The following OTUD7A variants were observed in gnomAD, a reference collection of about 807,000 sequenced individuals.
OTUD7A encodes the protein OTU domain-containing protein 7A.
Under a neutral mutation model 65.7 loss-of-function variants are expected in OTUD7A, and 12 were observed. That is an observed-to-expected ratio of 0.18 (90% CI 0.12 to 0.30). The LOEUF is 0.30. Ranked by LOEUF, OTUD7A falls within the 10% of genes least tolerant of loss-of-function variation. The pLI, the probability that OTUD7A is intolerant of heterozygous loss-of-function variation, is 1.00. For missense variants in OTUD7A, 1,148 were observed against 1,304.8 expected, an observed-to-expected ratio of 0.88 and a Z score of 1.85; for synonymous variants, 641 against 586.3, an observed-to-expected ratio of 1.09 and a Z score of -1.35.
chr15:31,808,140 C>CACACAA (rs1272100227), intron 1 of OTUD7A, among the ~76,000 whole-genome samples: 22,540 of 139,420 alleles, frequency 0.16, 2,189 homozygotes, highest in Admixed American at 0.22. Context: ...CACACACAAA[C>CACACAA]AAATCCTCAC....
At chr15:31,831,888 C>T (rs1271911105) in intron 1 of OTUD7A, among the ~76,000 whole-genome samples, 1 of 152,224 alleles carries the variant, frequency 6.6e-6, no homozygotes, top group African/African-American at 2.4e-5. Context: ...CATTGTGGAT[C>T]CCTTTCATGT....
chr15:31,719,892 A>G (rs890460400), intron 1 of OTUD7A, among the ~76,000 whole-genome samples: 39 of 151,836 alleles, frequency 2.6e-4, no homozygotes, highest in African/African-American at 8.9e-4. Context: ...CACCCCTCTG[A>G]CCATACACAC....
intron 1 of OTUD7A, chr15:31,767,695 T>C (rs766518671): frequency 2.8e-6 from 2 of 725,958 alleles, no homozygotes; most frequent in Non-Finnish European, 5.1e-6. Context: ...CTGCATTTTC[T>C]TGATCTTCAT....
chr15:31,625,950 G>A (rs192530867), intron 3 of OTUD7A, among the ~76,000 whole-genome samples: 4 of 150,774 alleles, frequency 2.7e-5, no homozygotes, highest in South Asian at 2.1e-4. Flanking sequence ...TCATTTATAC[G>A]AGGTTATGGA....
At position 31,592,904 on chromosome 15, in the gene OTUD7A, A is replaced by AAATAT. The variant is rs1416029921; in HGVS notation, c.152-22708_152-22707insATATT. On this transcript the variant is annotated intron_variant, in intron 3 of 12. Coordinates refer to ENST00000307050, the MANE Select transcript of OTUD7A (RefSeq NM_001382637.1). ...CAAAAAAAAAAAAAAAAAAAAAAAA[A>AAATAT]ATATATATATATATATATATATATA... 4.4e-4 allele frequency among the ~76,000 whole-genome samples: 26 copies of AAATAT among 59,384 alleles called. 2 individuals carry two copies. Among genetic ancestry groups the AAATAT allele is most frequent in the Non-Finnish European group, 5.4e-4 (20 of 36,796 alleles). 39.0% of individuals were successfully genotyped at this position (59,384 alleles called of 152,430 possible).
In OTUD7A at chr15:31,818,055, C is replaced by A. The variant is rs146689962; in HGVS notation, c.-100+52452G>T. The stretch of plus-strand genomic sequence containing the variant: ...GTTCATCCCGTTTGCCCTTCTATCT[C>A]CCCCCAACTGAGGAAACAGCAACAA... On this transcript the variant is annotated intron_variant, in intron 1 of 12. Coordinates refer to ENST00000307050, the MANE Select transcript of OTUD7A (RefSeq NM_001382637.1). Among the ~76,000 whole-genome samples the A allele has an allele frequency of 1.0e-3, 155 of 152,250 alleles. No individual in the cohort carries two copies. The East Asian group carries it at 0.02, about 20-fold the overall frequency.
rs182064779 is a variant in OTUD7A, at chr15:31,612,511, G to A, written c.152-42314C>T. Among the ~76,000 whole-genome samples the A allele has an allele frequency of 3.1e-3, 477 of 152,008 alleles. 5 individuals are homozygous for A. The highest frequency in any genetic ancestry group is 0.011 in the African/African-American group (458 of 41,480). On this transcript the variant is annotated intron_variant, in intron 3 of 12. Transcript: ENST00000307050. ...TTCTATATACCAAGAGTGACCAAGCGGATAATCAAATCAAGAACTCAACCC... is the reference window on the plus strand; with the variant it reads ...TTCTATATACCAAGAGTGACCAAGCAGATAATCAAATCAAGAACTCAACCC...
chr15:31,641,145 T>G lies in OTUD7A; in HGVS notation c.151+13951A>C, dbSNP rs553058453. Among the ~76,000 whole-genome samples, 9 of 148,122 alleles carry G rather than the reference T, an allele frequency of 6.1e-5. No homozygotes were observed. The East Asian group carries it at 1.6e-3, about 26-fold the overall frequency. On this transcript the variant is annotated intron_variant, in intron 3 of 12. Coordinates refer to ENST00000307050, the MANE Select transcript of OTUD7A (RefSeq NM_001382637.1). ...CCATCCTGTTCTTGTGAATAATGAG[T>G]GAGTCTCACGAGATGTGAAGGTTTT...
chr15:31,526,305 TG>T, intron 8 of OTUD7A, 43 bp downstream of exon 8: 1 of 1,520,316 alleles, frequency 6.6e-7, no homozygotes. Flanking sequence ...CTGGGTGGCC[TG>T]GAGCTGGAGG....
chr15:31,590,536 C>T (rs1175759199), intron 3 of OTUD7A, among the ~76,000 whole-genome samples: 1 of 152,208 alleles, frequency 6.6e-6, no homozygotes, highest in East Asian at 1.9e-4. Flanking sequence ...CACATACATA[C>T]ATAGCAGGCA....
chr15:31,710,516 G>A (rs1893414993), intron 1 of OTUD7A, among the ~76,000 whole-genome samples: 1 of 152,140 alleles, frequency 6.6e-6, no homozygotes, highest in Non-Finnish European at 1.5e-5. Context: ...CCTGCATAGA[G>A]GTGCAGAGCA....
chr15:31,683,945 C>T (rs1892777998), intron 1 of OTUD7A, among the ~76,000 whole-genome samples: 2 of 152,208 alleles, frequency 1.3e-5, no homozygotes, highest in Non-Finnish European at 2.9e-5. Context: ...TTTGTCCACA[C>T]TCCCCTGAGG....
At chr15:31,845,210 C>T (rs1056869664) in intron 1 of OTUD7A, among the ~76,000 whole-genome samples, 1 of 152,180 alleles carries the variant, frequency 6.6e-6, no homozygotes, top group African/African-American at 2.4e-5. Flanking sequence ...AGGCACTGGG[C>T]ATCCTCTCAC....
chr15:31,862,760 CT>C (rs1489364861), intron 1 of OTUD7A, among the ~76,000 whole-genome samples: 11 of 152,164 alleles, frequency 7.2e-5, no homozygotes, highest in Admixed American at 3.3e-4. Flanking sequence ...CATTACGCCC[CT>C]GGCCCCTCCA....
intron 1 of OTUD7A, among the ~76,000 whole-genome samples, chr15:31,811,431 TGTGA>T (rs1292948600): frequency 1.3e-5 from 2 of 151,796 alleles, no homozygotes; most frequent in Non-Finnish European, 1.5e-5. Context: ...GTGTGGTATG[TGTGA>T]GTGTGTGCTT....
intron 1 of OTUD7A, among the ~76,000 whole-genome samples, chr15:31,802,023 G>A (rs556740876): frequency 6.6e-6 from 1 of 150,988 alleles, no homozygotes; most frequent in Non-Finnish European, 1.5e-5. Flanking sequence ...GGTTTTACAT[G>A]AAATCACAAA....
At position 31,680,401 on chromosome 15, in the gene OTUD7A, T is replaced by C. The variant is rs2338933; in HGVS notation, c.-99-23324A>G. On this transcript the variant is annotated intron_variant, in intron 1 of 12. Transcript: ENST00000307050. The stretch of plus-strand genomic sequence containing the variant: ...GTAAAAAAAGTTTGTCCATAGGAGA[T>C]TGACTGAATCAAGCCTATTATATCA... Among the ~76,000 whole-genome samples the C allele has an allele frequency of 7.0e-3, 1,061 of 152,284 alleles. 12 individuals are homozygous for C. The highest frequency in any genetic ancestry group is 0.024 in the African/African-American group (1,003 of 41,542).
intron 1 of OTUD7A, among the ~76,000 whole-genome samples, chr15:31,712,951 T>C (rs531301514): frequency 6.6e-6 from 1 of 152,086 alleles, no homozygotes; most frequent in Admixed American, 6.6e-5. Context: ...GCTCATTCCT[T>C]CCTAACTGGG....
intron 5 of OTUD7A, among the ~76,000 whole-genome samples, chr15:31,539,818 A>G (rs962484750): frequency 6.6e-6 from 1 of 152,194 alleles, no homozygotes; most frequent in African/African-American, 2.4e-5. Flanking sequence ...AGTCCCGAAA[A>G]CTGGTGATTT....
Sources: allele counts gnomAD v4.1 joint callset (sites outside exome capture counted in the v4.1 genomes callset), GRCh38; gene constraint gnomAD v4.1.1; transcripts MANE v1.5; gene names NCBI Gene and HGNC (gene_info 2026-07-23, HGNC 2026-07-21).